Variants in TRIT1 observed in about 807,000 individuals in gnomAD.
The protein encoded by TRIT1 is tRNA dimethylallyltransferase.
In TRIT1, 43 loss-of-function variants were observed where a neutral mutation model predicts 51.2. The ratio of observed to expected loss-of-function variants is 0.84; its 90% CI spans 0.66 to 1.08. TRIT1 has a LOEUF of 1.08. Among genes scored for constraint, TRIT1 ranks in the 50% least tolerant of loss-of-function variants. TRIT1 has a pLI of 0.00. For synonymous variants in TRIT1, 184 were observed against 203.9 expected, an observed-to-expected ratio of 0.90 and a Z score of 0.83; for missense variants, 528 against 578.4, an observed-to-expected ratio of 0.91 and a Z score of 0.89.
chr1:39,855,306 G>A (rs955780001), intron 2 of TRIT1, among the ~76,000 whole-genome samples: 1 of 152,146 alleles, frequency 6.6e-6, no homozygotes, highest in Non-Finnish European at 1.5e-5. Flanking sequence ...TGGGAAGAAA[G>A]ATGTTACCAA....
intron 1 of TRIT1, among the ~76,000 whole-genome samples, chr1:39,858,833 C>T (rs1467499458): frequency 6.6e-6 from 1 of 152,150 alleles, no homozygotes; most frequent in Non-Finnish European, 1.5e-5. Context: ...ATTCTCATAC[C>T]TGAAAATTAA....
chr1:39,847,643 C>A lies in TRIT1; in HGVS notation c.833G>T (p.Gly278Val), dbSNP rs866540220. ...CTTGAAGCCAATTGATTGGAAGATA[C>A]CATGTTGATAGTCCTGGCTGGGAAC... ...VSENSQDYQH[G>V]IFQSIGFKEF... Residue 278 changes from glycine to valine, a missense_variant, in exon 7 of 11, where the codon GGT becomes GTT. By Grantham distance (109) the Gly-to-Val change is moderately radical. Coordinates refer to ENST00000316891, the MANE Select transcript of TRIT1 (RefSeq NM_017646.6). The A allele has an allele frequency of 1.9e-6, 3 of 1,614,074 alleles. No homozygotes were observed. The African/African-American group carries it at 4.0e-5, about 22-fold the overall frequency.
At position 39,848,037 on chromosome 1, in the gene TRIT1, T is replaced by C; in HGVS notation, c.764A>G (p.Glu255Gly). The C allele has an allele frequency of 6.2e-7, 1 of 1,614,116 alleles. No homozygotes were observed. Among genetic ancestry groups the C allele is most frequent in the East Asian group, 2.2e-5 (1 of 44,882 alleles). ...DDMLAAGLLE[E>G]LRDFHRRYNQ... is the part of the protein sequence containing the mutation. ...ATAGCGTCTGTGAAAATCTCTTAGT[T>C]CCTCCAAGAGCCCAGCAGCAAGCAT... The change falls in exon 6 of 11, where the codon GAA becomes GGA. Residue 255 changes from glutamate to glycine, a missense_variant. Glu to Gly is a moderately conservative substitution (Grantham distance 98, BLOSUM62 -2). This residue lies in a region of TRIT1 where 468 missense variants were observed against 522.6 expected (regional missense o/e 0.90). Coordinates refer to ENST00000316891, the MANE Select transcript of TRIT1 (RefSeq NM_017646.6).
chr1:39,883,334 C>T lies in TRIT1; in HGVS notation c.158G>A (p.Ser53Asn). Residue 53 changes from serine (S) to asparagine (N), a missense_variant, in exon 1 of 11, where the codon AGC (serine) becomes AAC (asparagine). By Grantham distance (46) the Ser-to-Asn change is conservative. This residue lies in a region of TRIT1 where 468 missense variants were observed against 522.6 expected (regional missense o/e 0.90). Transcript: ENST00000316891. ...LGQRLGGEIV[S>N]ADSMQVYEGL... Reference sequence around the variant, plus strand: ...CTGCCATACCTGCATGGAGTCAGCGCTGACGATCTCACCGCCGAGCCGCTG... The same window carrying T: ...CTGCCATACCTGCATGGAGTCAGCGTTGACGATCTCACCGCCGAGCCGCTG... The T allele has an allele frequency of 6.2e-7, 1 of 1,608,848 alleles. No homozygotes were observed. The highest frequency in any genetic ancestry group is 2.2e-5 in the East Asian group (1 of 44,616).
intron 5 of TRIT1, 121 bp downstream of exon 5, chr1:39,849,998 A>G (rs1438724725): frequency 4.0e-6 from 4 of 989,166 alleles, no homozygotes; most frequent in South Asian, 3.4e-5. Flanking sequence ...AATAAAATTA[A>G]TAGCTAATAC....
intron 1 of TRIT1, among the ~76,000 whole-genome samples, chr1:39,866,682 CAGG>C (rs772797558): frequency 6.6e-5 from 10 of 152,094 alleles, no homozygotes; most frequent in Non-Finnish European, 8.8e-5. Flanking sequence ...GCTCAGAAAG[CAGG>C]AGAAGGCCAG....
At chr1:39,853,894 C>A in intron 3 of TRIT1, 76 bp downstream of exon 3, 1 of 1,036,774 alleles carries the variant, frequency 9.6e-7, no homozygotes, top group Non-Finnish European at 1.5e-6. Context: ...CAAGAGTCAA[C>A]CTTTCTCCCA....
chr1:39,871,900 A>G (rs1279143160), intron 1 of TRIT1, among the ~76,000 whole-genome samples: 1 of 151,990 alleles, frequency 6.6e-6, no homozygotes, highest in Non-Finnish European at 1.5e-5. Context: ...TGTATGCAAA[A>G]AATTTTTAAA....
intron 1 of TRIT1, among the ~76,000 whole-genome samples, chr1:39,872,163 G>A (rs1643900848): frequency 7.2e-6 from 1 of 138,320 alleles, no homozygotes; most frequent in Non-Finnish European, 1.5e-5. Context: ...TTCCCTCCTT[G>A]GCATCCCAAA....
Position 39,852,787 on chromosome 1 carries a change from C to T in TRIT1, c.504G>A (p.Gln168=), listed in dbSNP as rs1395979992. The T allele has an allele frequency of 6.2e-7, 1 of 1,614,176 alleles. No individual in the cohort carries two copies. The highest frequency in any genetic ancestry group is 1.7e-5 in the Admixed American group (1 of 60,024). ...DGLVLHKRLS[Q]VDPEMAAKLH... ...GCTTGGCAGCCATTTCTGGGTCCAC[C>T]TGGCTTAGGCGTTTGTGAAGTACAA... Residue 168 remains glutamine (Q), a synonymous_variant, in exon 4 of 11, where the codon CAG becomes CAA. Transcript: ENST00000316891.
rs1644151736 is a variant in TRIT1, at chr1:39,878,830, C to T, written c.174+4488G>A. Among the ~76,000 whole-genome samples the T allele has an allele frequency of 1.3e-5, 2 of 152,180 alleles. 1 individual carries two copies. Among genetic ancestry groups the T allele is most frequent in the South Asian group, 4.1e-4 (2 of 4,830 alleles). On this transcript the variant is annotated intron_variant, in intron 1 of 10. Coordinates refer to ENST00000316891, the MANE Select transcript of TRIT1 (RefSeq NM_017646.6). ...TGCAGCAAATTTTATCCCCAAAGTA[C>T]ATCAGGTGGCTTCCAGTCAGCTCAA...
chr1:39,847,065 C>T, intron 8 of TRIT1, 155 bp downstream of exon 8: 1 of 565,650 alleles, frequency 1.8e-6, no homozygotes. Context: ...AAGAAAATAT[C>T]CCTGGATAAT....
chr1:39,851,577 G>A (rs1193394164), intron 4 of TRIT1, among the ~76,000 whole-genome samples: 1 of 151,972 alleles, frequency 6.6e-6, no homozygotes, highest in African/African-American at 2.4e-5. Context: ...GCCTTTAAGG[G>A]GGTGAAAAAA....
chr1:39,875,661 C>G (rs949811578), intron 1 of TRIT1, among the ~76,000 whole-genome samples: 16 of 152,234 alleles, frequency 1.1e-4, no homozygotes, highest in African/African-American at 3.9e-4. Flanking sequence ...TCCTTGAAAA[C>G]ATACCATGCA....
chr1:39,857,863 G>GT (rs1642990954), intron 1 of TRIT1, among the ~76,000 whole-genome samples: 1 of 152,196 alleles, frequency 6.6e-6, no homozygotes. Flanking sequence ...CAGAATTTGT[G>GT]TAAGATTGGT....
intron 4 of TRIT1, among the ~76,000 whole-genome samples, chr1:39,851,188 C>T (rs1169596128): frequency 6.6e-6 from 1 of 152,032 alleles, no homozygotes; most frequent in African/African-American, 2.4e-5. Flanking sequence ...TAATAGATAT[C>T]TCACTTATCT....
chr1:39,872,107 C>T (rs1643899780), intron 1 of TRIT1, among the ~76,000 whole-genome samples: 1 of 133,336 alleles, frequency 7.5e-6, no homozygotes, highest in Non-Finnish European at 1.5e-5. Context: ...GATGGGCTCT[C>T]ACTATGTTAC....
chr1:39,844,307 C>G, intron 9 of TRIT1, 89 bp from the exon 10 acceptor site: 4 of 1,192,858 alleles, frequency 3.4e-6, no homozygotes, highest in Non-Finnish European at 3.7e-6. Flanking sequence ...TCCTAAAATT[C>G]CTTTTTCTCA....
intron 1 of TRIT1, among the ~76,000 whole-genome samples, chr1:39,861,581 C>A (rs1430275962): frequency 6.6e-6 from 1 of 152,078 alleles, no homozygotes; most frequent in East Asian, 1.9e-4. Context: ...GATAAACAGA[C>A]AAACAAAATG....
Sources: gnomAD v4.1 joint callset for allele counts (sites outside exome capture counted in the v4.1 genomes callset) on GRCh38, gnomAD v4.1.1 for gene constraint, gnomAD v4.1.1 regional missense constraint, MANE v1.5 for transcripts, NCBI Gene and HGNC (gene_info 2026-07-23, HGNC 2026-07-21) for gene names.